The following GALNT2 variants were observed in gnomAD, a reference collection of about 807,000 sequenced individuals.
GALNT2 encodes the protein UDP-GalNAc:polypeptide N-acetylgalactosaminyltransferase 2.
Under a neutral mutation model 81.4 loss-of-function variants are expected in GALNT2, and 31 were observed. The ratio of observed to expected loss-of-function variants is 0.38; its 90% confidence interval spans 0.29 to 0.51. The LOEUF (loss-of-function observed/expected upper bound fraction) is 0.51. Among genes scored for constraint, GALNT2 ranks in the 20% least tolerant of loss-of-function variants. GALNT2 has a pLI of 0.87. For synonymous variants in GALNT2, 303 were observed against 287.4 expected, an observed-to-expected ratio of 1.05 and a Z score of -0.55; for missense variants, 629 against 765.7, an observed-to-expected ratio of 0.82 and a Z score of 2.11.
At chr1:230,076,426 G>C (rs1359245031) in intron 1 of GALNT2, among the ~76,000 whole-genome samples, 13 of 152,156 alleles carry the variant, frequency 8.5e-5, no homozygotes, top group Admixed American at 8.5e-4. Context: ...GCTGTGATGT[G>C]ATCTTTGGGA....
chr1:230,106,138 T>C (rs1278249133), intron 1 of GALNT2, among the ~76,000 whole-genome samples: 1 of 152,218 alleles, frequency 6.6e-6, no homozygotes, highest in African/African-American at 2.4e-5. Flanking sequence ...AGTGCAGAAT[T>C]TCCAGGCATT....
At chr1:230,218,732 A>G (rs1389678004) in intron 3 of GALNT2, among the ~76,000 whole-genome samples, 1 of 152,218 alleles carries the variant, frequency 6.6e-6, no homozygotes, top group Non-Finnish European at 1.5e-5. Flanking sequence ...TTTGTTATCT[A>G]TCCCTGAATG....
At chr1:230,235,963 G>T (rs376778476) in intron 3 of GALNT2, 51 bp from the exon 4 acceptor site, 6 of 1,562,746 alleles carry the variant, frequency 3.8e-6, no homozygotes, top group Non-Finnish European at 8.8e-7. Context: ...TAAACAAGCT[G>T]TGGCTGCTCT....
At chr1:230,216,030 G>A (rs963332810) in intron 3 of GALNT2, among the ~76,000 whole-genome samples, 1 of 152,188 alleles carries the variant, frequency 6.6e-6, no homozygotes, top group Admixed American at 6.5e-5. Context: ...ACCAAAAACA[G>A]TTGTGGAAAT....
intron 1 of GALNT2, among the ~76,000 whole-genome samples, chr1:230,148,489 G>T (rs933072110): frequency 6.6e-6 from 1 of 152,252 alleles, no homozygotes; most frequent in Non-Finnish European, 1.5e-5. Context: ...CTGCAGAGGC[G>T]GCTCCACGCC....
chr1:230,147,303 C>A (rs780863324), intron 1 of GALNT2, among the ~76,000 whole-genome samples: 2 of 152,178 alleles, frequency 1.3e-5, no homozygotes, highest in African/African-American at 2.4e-5. Flanking sequence ...TTTCCAAGAT[C>A]GACCGTGAAT....
intron 1 of GALNT2, among the ~76,000 whole-genome samples, chr1:230,107,610 T>TTGTGTGTGTGTGTG (rs3033608): frequency 0.076 from 10,635 of 140,798 alleles, 525 homozygotes; most frequent in Admixed American, 0.13. Flanking sequence ...CTCATGGACT[T>TTGTGTGTGTGTGTG]TGTGTGTGTG....
chr1:230,183,655 C>A (rs1454740010), intron 2 of GALNT2, among the ~76,000 whole-genome samples: 1 of 152,160 alleles, frequency 6.6e-6, no homozygotes, highest in African/African-American at 2.4e-5. Flanking sequence ...TTATTTCAAA[C>A]AACCCATTAT....
chr1:230,247,604 TG>T (rs1187425201), intron 8 of GALNT2, among the ~76,000 whole-genome samples: 2 of 152,190 alleles, frequency 1.3e-5, no homozygotes, highest in African/African-American at 4.8e-5. Context: ...TTCAGAATGT[TG>T]TATTTCCCCA....
chr1:230,141,007 A>G (rs1034300601), intron 1 of GALNT2, among the ~76,000 whole-genome samples: 4 of 152,264 alleles, frequency 2.6e-5, no homozygotes, highest in African/African-American at 7.2e-5. Flanking sequence ...CATTCGTTGC[A>G]AATGTGTGTC....
At chr1:230,167,938 C>A (rs6672880) in intron 1 of GALNT2, among the ~76,000 whole-genome samples, 30,981 of 150,040 alleles carry the variant, frequency 0.21, 3,386 homozygotes, top group East Asian at 0.46. Flanking sequence ...ACATAAATCA[C>A]ATGGGAAATA....
chr1:230,108,996 T>A (rs548118416), intron 1 of GALNT2, among the ~76,000 whole-genome samples: 5 of 152,240 alleles, frequency 3.3e-5, no homozygotes, highest in Non-Finnish European at 5.9e-5. Context: ...GGATGAGATG[T>A]AGAGCAGGAT....
chr1:230,249,345 C>T (rs1477838500), intron 9 of GALNT2, 74 bp downstream of exon 9: 3 of 1,353,464 alleles, frequency 2.2e-6, no homozygotes, highest in Non-Finnish European at 2.1e-6. Flanking sequence ...TGGGCCCGCA[C>T]CGCCTGGAGA....
At chr1:230,217,840 A>G (rs1226320651) in intron 3 of GALNT2, among the ~76,000 whole-genome samples, 1 of 152,232 alleles carries the variant, frequency 6.6e-6, no homozygotes, top group Admixed American at 6.5e-5. Context: ...CACAAAGGAA[A>G]AGCCCTCATT....
At chr1:230,269,135 A>AT (rs900878263) in intron 14 of GALNT2, among the ~76,000 whole-genome samples, 12 of 125,980 alleles carry the variant, frequency 9.5e-5, no homozygotes, top group East Asian at 4.5e-4. Flanking sequence ...GCTCAGAGAA[A>AT]TTTTTTTTTT....
At chr1:230,212,847 C>CT (rs897547765) in intron 3 of GALNT2, among the ~76,000 whole-genome samples, 93 of 151,608 alleles carry the variant, frequency 6.1e-4, no homozygotes, top group Admixed American at 1.4e-3. Flanking sequence ...TATGTTTCCT[C>CT]TTTTTTTTTG....
chr1:230,115,912 C>T (rs1250943910), intron 1 of GALNT2, among the ~76,000 whole-genome samples: 1 of 152,172 alleles, frequency 6.6e-6, no homozygotes, highest in African/African-American at 2.4e-5. Flanking sequence ...TTTGCTCTTC[C>T]ATGTCTTTTT....
intron 1 of GALNT2, among the ~76,000 whole-genome samples, chr1:230,162,873 A>C (rs549546617): frequency 6.6e-6 from 1 of 152,230 alleles, no homozygotes; most frequent in Admixed American, 6.5e-5. Context: ...TTGTCCAGTC[A>C]CATTTCCACA....
intron 1 of GALNT2, among the ~76,000 whole-genome samples, chr1:230,167,272 A>G (rs1410687596): frequency 3.3e-5 from 5 of 152,038 alleles, no homozygotes; most frequent in Non-Finnish European, 2.9e-5. Flanking sequence ...CAGCCTCCCA[A>G]GTAGCTGGGA....
Sources: allele counts gnomAD v4.1 joint callset (sites outside exome capture counted in the v4.1 genomes callset), GRCh38; gene constraint gnomAD v4.1.1; transcripts MANE v1.5; gene names NCBI Gene and HGNC (gene_info 2026-07-23, HGNC 2026-07-21).